FRMD4A: variants seen among roughly 807,000 people sequenced by gnomAD.
FRMD4A encodes the protein FERM domain containing 4A.
In FRMD4A, 29 loss-of-function variants were observed where a neutral mutation model predicts 129.1. The observed-to-expected ratio is 0.22, with a 90% CI of 0.17 to 0.31. FRMD4A has a LOEUF of 0.31. Ranked by LOEUF, FRMD4A falls within the 10% of genes least tolerant of loss-of-function variation. FRMD4A has a pLI of 1.00. For synonymous variants in FRMD4A, 634 were observed against 571.6 expected (o/e 1.11, Z -1.56); for missense variants, 1,272 against 1,375.8 (o/e 0.92, Z 1.19).
Position 14,192,764 on chromosome 10 carries a change from A to G in FRMD4A, c.45+137294T>C, listed in dbSNP as rs1257935482. ...TTCCAGGAATGAACATCTCCCCTCT[A>G]GGTTACTGAATTCTAAAACGTAATG... On this transcript the variant is annotated intron_variant, in intron 2 of 24. Transcript: ENST00000357447. 3.3e-5 allele frequency among the ~76,000 whole-genome samples: 5 copies of G among 152,202 alleles called. No homozygotes were observed. In the East Asian group the frequency reaches 9.6e-4, roughly 29 times the overall value.
intron 3 of FRMD4A, among the ~76,000 whole-genome samples, chr10:13,825,887 G>C (rs907378886): frequency 2.0e-5 from 3 of 152,226 alleles, no homozygotes; most frequent in African/African-American, 7.2e-5. Flanking sequence ...GATGATTTTG[G>C]TATCTTAGCA....
chr10:14,250,572 A>G (rs556773938), intron 2 of FRMD4A, among the ~76,000 whole-genome samples: 1 of 152,212 alleles, frequency 6.6e-6, no homozygotes, highest in Non-Finnish European at 1.5e-5. Flanking sequence ...TAGAACCAAC[A>G]AAGTGTGTAA....
intron 2 of FRMD4A, among the ~76,000 whole-genome samples, chr10:14,180,033 C>CA (rs895820098): frequency 4.2e-4 from 63 of 151,720 alleles, no homozygotes; most frequent in African/African-American, 1.4e-3. Context: ...AAGAATCCAT[C>CA]AAAAAAACAA....
chr10:14,007,987 G>T, intron 2 of FRMD4A: 1 of 1,275,450 alleles, frequency 7.8e-7, no homozygotes. Context: ...GAAGTAACGC[G>T]GTATACAATG....
In FRMD4A at chr10:14,168,052, C is replaced by T; in HGVS notation, c.45+162006G>A. On this transcript the variant is annotated intron_variant, in intron 2 of 24. Coordinates refer to ENST00000357447, the MANE Select transcript of FRMD4A (RefSeq NM_018027.5). ...AAGACTCTTCACTTTTAAACACAAT[C>T]TCAGGTGATTGGAAGGCTAGCTGAA... Among the ~76,000 whole-genome samples the T allele has an allele frequency of 1.3e-5, 2 of 152,146 alleles. 1 individual carries two copies. The highest frequency in any genetic ancestry group is 4.8e-5 in the African/African-American group (2 of 41,422).
intron 2 of FRMD4A, among the ~76,000 whole-genome samples, chr10:14,121,877 C>T (rs1229939733): frequency 6.6e-6 from 1 of 152,210 alleles, no homozygotes; most frequent in African/African-American, 2.4e-5. Flanking sequence ...TTACACTCCT[C>T]ATGCCTCCAT....
chr10:13,699,232 T>G (rs868484310), intron 14 of FRMD4A, among the ~76,000 whole-genome samples: 110 of 115,282 alleles, frequency 9.5e-4, no homozygotes, highest in African/African-American at 3.1e-3. Context: ...TTGTTTTTTT[T>G]TTTTTTTTTT....
intron 4 of FRMD4A, among the ~76,000 whole-genome samples, chr10:13,807,584 A>AT (rs1373098058): frequency 1.3e-5 from 2 of 152,228 alleles, no homozygotes; most frequent in Admixed American, 1.3e-4. Context: ...ATTCTTGGGC[A>AT]TAAGTTCTTA....
At chr10:13,670,701 G>T (rs7893138) in intron 16 of FRMD4A, among the ~76,000 whole-genome samples, 173 bp from the exon 17 acceptor site, 123,518 of 152,150 alleles carry the variant, frequency 0.81, 50,277 homozygotes, top group East Asian at 0.86. Flanking sequence ...TAAGTAAGAG[G>T]TCAAGAAATG....
At chr10:13,876,260 T>C (rs1040040597) in intron 2 of FRMD4A, among the ~76,000 whole-genome samples, 2 of 152,262 alleles carry the variant, frequency 1.3e-5, no homozygotes, top group South Asian at 4.1e-4. Context: ...ATATTCATTC[T>C]GATAGCTGAT....
chr10:13,796,178 C>A (rs192678379), intron 5 of FRMD4A, among the ~76,000 whole-genome samples: 1 of 152,296 alleles, frequency 6.6e-6, no homozygotes, highest in African/African-American at 2.4e-5. Flanking sequence ...AAGAATCCCA[C>A]GGCCTGTGCT....
intron 2 of FRMD4A, among the ~76,000 whole-genome samples, chr10:13,906,986 C>T (rs2094888959): frequency 6.6e-6 from 1 of 152,180 alleles, no homozygotes; most frequent in African/African-American, 2.4e-5. Context: ...GTCTCATCCT[C>T]AACTGTGTGG....
At chr10:13,933,219 GGAT>G (rs1366179168) in intron 2 of FRMD4A, among the ~76,000 whole-genome samples, 1 of 152,040 alleles carries the variant, frequency 6.6e-6, no homozygotes, top group East Asian at 1.9e-4. Context: ...AACATAAAGC[GGAT>G]GAACACTTCA....
intron 2 of FRMD4A, chr10:13,971,878 G>A: frequency 1.6e-6 from 2 of 1,288,800 alleles, no homozygotes; most frequent in Admixed American, 2.4e-5. Context: ...GACACAAAGT[G>A]CCAATGTCAG....
chr10:14,205,562 T>TTGG (rs1282524099), intron 2 of FRMD4A, among the ~76,000 whole-genome samples: 2 of 152,096 alleles, frequency 1.3e-5, no homozygotes, highest in Non-Finnish European at 2.9e-5. Flanking sequence ...ATCTCAGCAC[T>TTGG]TTGGGAGGCC....
intron 14 of FRMD4A, among the ~76,000 whole-genome samples, chr10:13,700,890 GTTGGAA>G (rs1255626157): frequency 8.1e-5 from 10 of 123,536 alleles, no homozygotes; most frequent in African/African-American, 2.7e-4. Context: ...GGAGTTGGCA[GTTGGAA>G]CCGCCTGAGG....
chr10:13,991,386 C>T (rs1406748952), intron 2 of FRMD4A, among the ~76,000 whole-genome samples: 2 of 152,258 alleles, frequency 1.3e-5, no homozygotes, highest in South Asian at 2.1e-4. Context: ...GGGCATCAGG[C>T]GCGGAGATTC....
chr10:14,099,765 T>C (rs192165786), intron 2 of FRMD4A, among the ~76,000 whole-genome samples: 4 of 152,364 alleles, frequency 2.6e-5, no homozygotes, highest in East Asian at 1.9e-4. Flanking sequence ...AAATAACTTA[T>C]AAAATGATGG....
chr10:14,153,528 T>A (rs776191981), intron 2 of FRMD4A, among the ~76,000 whole-genome samples: 1 of 152,196 alleles, frequency 6.6e-6, no homozygotes, highest in Non-Finnish European at 1.5e-5. Flanking sequence ...AAAATTGGAA[T>A]AATTTGCCTT....
Sources: allele counts gnomAD v4.1 joint callset (sites outside exome capture counted in the v4.1 genomes callset), GRCh38; gene constraint gnomAD v4.1.1; transcripts MANE v1.5; gene names NCBI Gene and HGNC (gene_info 2026-07-23, HGNC 2026-07-21).